PSEN1: variants seen among roughly 807,000 people sequenced by gnomAD.
The protein encoded by PSEN1 is presenilin 1.
In PSEN1, 15 loss-of-function variants were observed where a neutral mutation model predicts 53.5. The observed-to-expected ratio is 0.28, with a 90% CI of 0.19 to 0.43. The LOEUF (loss-of-function observed/expected upper bound fraction) is 0.43, where lower values mean the gene tolerates loss of function less well. Ranked by LOEUF, PSEN1 falls within the 20% of genes least tolerant of loss-of-function variation. PSEN1 has a pLI of 1.00. For missense variants in PSEN1, 387 were observed against 571.2 expected (o/e 0.68, Z 3.29); for synonymous variants, 208 against 209.8 (o/e 0.99, Z 0.08).
intron 7 of PSEN1, among the ~76,000 whole-genome samples, chr14:73,197,252 A>G (rs925578910): frequency 6.6e-6 from 1 of 152,150 alleles, no homozygotes; most frequent in African/African-American, 2.4e-5. Flanking sequence ...AATTTTCATG[A>G]CAGAGAATGA....
At chr14:73,175,121 T>A (rs1898007731) in intron 5 of PSEN1, among the ~76,000 whole-genome samples, 1 of 151,626 alleles carries the variant, frequency 6.6e-6, no homozygotes, top group African/African-American at 2.4e-5. Context: ...AGGAGTTTTT[T>A]TTGTTTTTTT....
At chr14:73,145,092 C>A (rs540700392) in intron 1 of PSEN1, among the ~76,000 whole-genome samples, 1 of 152,220 alleles carries the variant, frequency 6.6e-6, no homozygotes, top group South Asian at 2.1e-4. Context: ...AGGGCTTCAC[C>A]ATGTTGGCCA....
chr14:73,161,586 G>A (rs1313639145), intron 3 of PSEN1, among the ~76,000 whole-genome samples: 1 of 152,128 alleles, frequency 6.6e-6, no homozygotes, highest in Non-Finnish European at 1.5e-5. Context: ...GGGTCCAGGA[G>A]ACACCCCAGG....
In PSEN1 at chr14:73,206,322, T is replaced by G. The variant is rs142053866; in HGVS notation, c.869-64T>G. The G allele has an allele frequency of 3.0e-4, 331 of 1,120,916 alleles. No homozygotes were observed. In the African/African-American group the frequency reaches 4.2e-3, roughly 14 times the overall value. The allele number at this position is 1,120,916 out of a possible 1,614,324, so 69.4% of individuals were successfully genotyped here. A position where few individuals can be genotyped will look rare whatever the true frequency, so the allele number is the denominator to read the frequency against. ...GCGATTTGTGTGGAGAAATGATGGC[T>G]TGTTGTTGTCTATGCATACTTTGTG... is the stretch of plus-strand genomic sequence containing the variant. On this transcript the variant is annotated intron_variant, in intron 8 of 11. Transcript: ENST00000324501.
intron 1 of PSEN1, among the ~76,000 whole-genome samples, chr14:73,139,557 G>A (rs989790082): frequency 6.6e-6 from 1 of 151,950 alleles, no homozygotes; most frequent in African/African-American, 2.4e-5. Context: ...TCCAGACTGG[G>A]CTACAGAGCG....
At chr14:73,196,377 A>G (rs1380159949) in intron 7 of PSEN1, among the ~76,000 whole-genome samples, 1 of 148,880 alleles carries the variant, frequency 6.7e-6, no homozygotes, top group Non-Finnish European at 1.5e-5. Context: ...TGTGTGTTTT[A>G]TTACTGTACT....
rs372414758 is a variant in PSEN1 at position 73,179,477 on chromosome 14, C to CA, written c.480+5771dup. On this transcript the variant is annotated intron_variant, in intron 5 of 11. Coordinates refer to ENST00000324501, the MANE Select transcript of PSEN1 (RefSeq NM_000021.4). ...ACTAAAATACAAAAAATTAGCCAGG[C>CA]ATGGTGGTGGGCACCTGTAGTTCCA... Among the ~76,000 whole-genome samples the CA allele has an allele frequency of 6.0e-3, 907 of 152,266 alleles. 12 individuals are homozygous for CA. The highest frequency in any genetic ancestry group is 0.021 in the African/African-American group (859 of 41,556).
At chr14:73,205,478 C>CA (rs34992040) in intron 8 of PSEN1, among the ~76,000 whole-genome samples, 1,148 of 63,320 alleles carry the variant, frequency 0.018, 10 homozygotes, top group East Asian at 0.025. Context: ...GACTCTGTCT[C>CA]AAAAAAAAAA....
chr14:73,180,276 C>T (rs867534895), intron 5 of PSEN1, among the ~76,000 whole-genome samples: 2 of 152,202 alleles, frequency 1.3e-5, no homozygotes, highest in Non-Finnish European at 2.9e-5. Flanking sequence ...TGAGCCACCA[C>T]GCCCAGCCTT....
chr14:73,212,388 C>T (rs975323551), intron 10 of PSEN1, among the ~76,000 whole-genome samples: 2 of 152,034 alleles, frequency 1.3e-5, no homozygotes, highest in African/African-American at 4.8e-5. Flanking sequence ...GGATTACAGG[C>T]GTGAGCCACT....
In PSEN1 at chr14:73,186,837, A is replaced by G; in HGVS notation, c.481-16A>G. On this transcript the variant is annotated splice_polypyrimidine_tract_variant and intron_variant, in intron 5 of 11. Coordinates refer to ENST00000324501, the MANE Select transcript of PSEN1 (RefSeq NM_000021.4). ...TGTGGGACCTGTTAATTATATTGAA[A>G]TGCTTTCTTTTCTAGGTCATCCATG... 6.3e-7 allele frequency: 1 copy of G among 1,598,838 alleles called. No homozygotes were observed. The highest frequency in any genetic ancestry group is 1.1e-5 in the South Asian group (1 of 90,746).
intron 3 of PSEN1, among the ~76,000 whole-genome samples, chr14:73,164,740 G>A (rs1211471784): frequency 1.3e-5 from 2 of 152,138 alleles, no homozygotes; most frequent in East Asian, 3.8e-4. Flanking sequence ...ATAAGTTAGA[G>A]ACTTTTAAAT....
intron 4 of PSEN1, among the ~76,000 whole-genome samples, chr14:73,171,437 C>T (rs968963848): frequency 3.9e-5 from 6 of 152,084 alleles, no homozygotes; most frequent in African/African-American, 1.4e-4. Context: ...GTTTTGGTGC[C>T]GCAAAAGAAG....
chr14:73,147,397 C>T (rs1014290236), intron 1 of PSEN1: 2 of 156,516 alleles, frequency 1.3e-5, no homozygotes, highest in East Asian at 1.9e-4. Flanking sequence ...GTCCGTCCTG[C>T]CTTGGGCATT....
chr14:73,187,690 G>A (rs1163117928), intron 6 of PSEN1, among the ~76,000 whole-genome samples: 1 of 152,116 alleles, frequency 6.6e-6, no homozygotes, highest in Non-Finnish European at 1.5e-5. Context: ...AATAACAATA[G>A]TACCAGGCCC....
intron 6 of PSEN1, among the ~76,000 whole-genome samples, chr14:73,190,318 A>G (rs992216545): frequency 2.0e-5 from 3 of 151,452 alleles, no homozygotes; most frequent in African/African-American, 7.3e-5. Flanking sequence ...TTGAAACTCC[A>G]TCTCTACAAA....
chr14:73,187,025 T>A, intron 6 of PSEN1, 105 bp downstream of exon 6: 1 of 955,502 alleles, frequency 1.0e-6, no homozygotes, highest in Non-Finnish European at 1.7e-6. Context: ...TCTGAAGTTT[T>A]AATTGTTTCC....
chr14:73,171,424 A>G (rs1447377903), intron 4 of PSEN1, among the ~76,000 whole-genome samples: 2 of 152,170 alleles, frequency 1.3e-5, no homozygotes, highest in Non-Finnish European at 2.9e-5. Flanking sequence ...TGTTATATAT[A>G]AAGTTTTGGT....
At position 73,211,912 on chromosome 14, in the gene PSEN1, A is replaced by G. The variant is rs1485025978; in HGVS notation, c.1099A>G (p.Ser367Gly). 13 of 1,613,950 alleles carry G rather than the reference A, an allele frequency of 8.1e-6. No individual in the cohort carries two copies. The highest frequency in any genetic ancestry group is 2.7e-5 in the African/African-American group (2 of 74,986). ...SRAAVQELSS[S>G]ILAGEDPEER... Reference sequence around the variant, plus strand: ...AGCTGCTGTCCAGGAACTTTCCAGCAGTATCCTCGCTGGTGAAGACCCAGA... The same window carrying G: ...AGCTGCTGTCCAGGAACTTTCCAGCGGTATCCTCGCTGGTGAAGACCCAGA... The change falls in exon 10 of 12, where the codon AGT (serine) becomes GGT (glycine). Residue 367 changes from serine (S) to glycine (G), a missense_variant. Ser to Gly is a moderately conservative substitution (Grantham distance 56). This residue lies in a region of PSEN1 where 75 missense variants were observed against 63.7 expected (regional missense o/e 1.18). Transcript: ENST00000324501.
Sources: gnomAD v4.1 joint callset for allele counts (sites outside exome capture counted in the v4.1 genomes callset) on GRCh38, gnomAD v4.1.1 for gene constraint, gnomAD v4.1.1 regional missense constraint, MANE v1.5 for transcripts, NCBI Gene and HGNC (gene_info 2026-07-23, HGNC 2026-07-21) for gene names.